Variants in DENND5A observed in about 807,000 individuals in gnomAD.
DENND5A encodes DENN domain-containing protein 5A.
In DENND5A, 64 loss-of-function variants were observed where a neutral mutation model predicts 140.3. That is an observed-to-expected ratio of 0.46 (90% CI 0.37 to 0.56). The LOEUF is 0.56. DENND5A is among the 20% of genes least tolerant of loss of function. DENND5A has a pLI of 0.00. For missense variants in DENND5A, 1,292 were observed against 1,593.8 expected, an observed-to-expected ratio of 0.81 and a Z score of 3.22; for synonymous variants, 605 against 607.7, an observed-to-expected ratio of 1.00 and a Z score of 0.07.
chr11:9,236,721 G>T (rs1851018869), intron 1 of DENND5A, among the ~76,000 whole-genome samples: 1 of 115,726 alleles, frequency 8.6e-6, no homozygotes, highest in Non-Finnish European at 1.8e-5. Flanking sequence ...TGCCTCGAAA[G>T]AAAGAAAAAG....
chr11:9,236,113 C>T (rs977014730), intron 1 of DENND5A, among the ~76,000 whole-genome samples: 3 of 151,822 alleles, frequency 2.0e-5, no homozygotes, highest in Non-Finnish European at 2.9e-5. Context: ...GTCCCAGCTA[C>T]TCAGGAGGCT....
intron 12 of DENND5A, among the ~76,000 whole-genome samples, chr11:9,158,118 A>G (rs368896618): frequency 2.6e-5 from 4 of 152,360 alleles, no homozygotes; most frequent in African/African-American, 9.6e-5. Context: ...CATCTATACA[A>G]CAGATGTAGT....
At chr11:9,236,629 C>A (rs1277053067) in intron 1 of DENND5A, among the ~76,000 whole-genome samples, 1 of 151,986 alleles carries the variant, frequency 6.6e-6, no homozygotes, top group African/African-American at 2.4e-5. Flanking sequence ...ACCCTGTAAT[C>A]TCAGCTACTC....
At chr11:9,198,978 TCCCAGGA>T (rs1849430982) in intron 4 of DENND5A, among the ~76,000 whole-genome samples, 4 of 112,948 alleles carry the variant, frequency 3.5e-5, no homozygotes, top group African/African-American at 6.2e-5. Context: ...ACTCACTTGA[TCCCAGGA>T]GGCGGAGGTT....
intron 4 of DENND5A, among the ~76,000 whole-genome samples, chr11:9,197,315 T>A (rs776104420): frequency 2.4e-4 from 34 of 144,540 alleles, no homozygotes; most frequent in African/African-American, 6.1e-4. Context: ...AAAAAAAATA[T>A]ATATATATAG....
chr11:9,139,949 G>C (rs762150442), intron 22 of DENND5A, 95 bp from the exon 23 acceptor site: 6 of 1,289,986 alleles, frequency 4.7e-6, no homozygotes, highest in Non-Finnish European at 6.4e-6. Flanking sequence ...CATGAACTAA[G>C]TCTGAAGCTG....
intron 1 of DENND5A, among the ~76,000 whole-genome samples, chr11:9,227,932 T>C (rs1432187762): frequency 1.3e-5 from 2 of 151,532 alleles, no homozygotes; most frequent in Non-Finnish European, 2.9e-5. Flanking sequence ...GCCAACATGG[T>C]GAAACCCTGT....
intron 1 of DENND5A, among the ~76,000 whole-genome samples, chr11:9,208,938 TAA>T (rs1178929539): frequency 6.6e-6 from 1 of 152,210 alleles, no homozygotes; most frequent in Admixed American, 6.5e-5. Flanking sequence ...CCACCCATGG[TAA>T]GCCTGCACTT....
intron 8 of DENND5A, chr11:9,176,906 T>C (rs1848562028): frequency 4.4e-6 from 2 of 456,080 alleles, no homozygotes; most frequent in African/African-American, 4.0e-5. Flanking sequence ...TTTTGGCCTA[T>C]GAGACAATGA....
chr11:9,185,143 A>G (rs1337869968), intron 5 of DENND5A, among the ~76,000 whole-genome samples: 2 of 152,170 alleles, frequency 1.3e-5, no homozygotes, highest in Admixed American at 1.3e-4. Flanking sequence ...GTGAGTCGAG[A>G]TTGCGCCACT....
At chr11:9,145,418 C>G in intron 17 of DENND5A, 2 of 586,200 alleles carry the variant, frequency 3.4e-6, no homozygotes, top group South Asian at 4.3e-5. Flanking sequence ...GGGGACTTCT[C>G]AACACACTAT....
intron 1 of DENND5A, among the ~76,000 whole-genome samples, chr11:9,219,794 T>C (rs529542611): frequency 6.6e-6 from 1 of 152,374 alleles, no homozygotes; most frequent in South Asian, 2.1e-4. Flanking sequence ...AAGCCACTGC[T>C]TTAAGGTGTC....
chr11:9,145,529 C>T, intron 17 of DENND5A, 141 bp downstream of exon 17: 9 of 937,722 alleles, frequency 9.6e-6, no homozygotes, highest in Non-Finnish European at 6.6e-6. Flanking sequence ...GATCCAGCCT[C>T]AGATCATCTC....
intron 9 of DENND5A, chr11:9,170,255 T>C (rs914664767): frequency 2.4e-5 from 24 of 983,402 alleles, no homozygotes; most frequent in Admixed American, 6.1e-5. Context: ...CAAAAGTAAC[T>C]AATGAGTAAT....
chr11:9,157,828 T>C (rs1847861021), intron 12 of DENND5A, among the ~76,000 whole-genome samples: 1 of 152,214 alleles, frequency 6.6e-6, no homozygotes, highest in Non-Finnish European at 1.5e-5. Context: ...ACAATTAATA[T>C]TCTGAAAGAC....
chr11:9,163,753 G>A (rs557504464), intron 11 of DENND5A, among the ~76,000 whole-genome samples: 4 of 148,888 alleles, frequency 2.7e-5, no homozygotes, highest in South Asian at 2.1e-4. Context: ...GCAGTGAGCC[G>A]AGATTGTGTC....
intron 8 of DENND5A, among the ~76,000 whole-genome samples, chr11:9,174,345 C>T (rs1357387272): frequency 1.3e-5 from 2 of 151,604 alleles, no homozygotes; most frequent in African/African-American, 4.8e-5. Flanking sequence ...CAATTACATG[C>T]TGCCTACAAT....
In DENND5A at chr11:9,178,236, A is replaced by G. The variant is rs1311800505; in HGVS notation, c.1802T>C (p.Leu601Pro). Reference protein sequence around the residue: ...CHDDDDKDPVLRVFDSRVDKI... With the variant: ...CHDDDDKDPVPRVFDSRVDKI... ...GTCAACTCGGGAATCAAATACCCGG[A>G]GTACAGGGTCTTTATCATCATCATC... The change falls in exon 8 of 23, where the codon CTC becomes CCC. Residue 601 changes from leucine to proline, a missense_variant. By Grantham distance (98) the Leu-to-Pro change is moderately conservative. This residue lies in a region of DENND5A where 199 missense variants were observed against 189.1 expected (regional missense o/e 1.05). Coordinates refer to ENST00000328194, the MANE Select transcript of DENND5A (RefSeq NM_015213.4). 6.2e-7 allele frequency: 1 copy of G among 1,612,858 alleles called. No individual in the cohort carries two copies. The highest frequency in any genetic ancestry group is 8.5e-7 in the Non-Finnish European group (1 of 1,178,968).
intron 5 of DENND5A, among the ~76,000 whole-genome samples, chr11:9,190,562 G>A (rs1191209153): frequency 1.3e-5 from 2 of 152,136 alleles, no homozygotes; most frequent in African/African-American, 2.4e-5. Context: ...CCATGATTGT[G>A]AGGCTTTCCC....
Sources: gnomAD v4.1 joint callset for allele counts (sites outside exome capture counted in the v4.1 genomes callset) on GRCh38, gnomAD v4.1.1 for gene constraint, gnomAD v4.1.1 regional missense constraint, MANE v1.5 for transcripts, NCBI Gene and HGNC (gene_info 2026-07-23, HGNC 2026-07-21) for gene names.